TSPAN9: variants seen among roughly 807,000 people sequenced by gnomAD.
The protein encoded by TSPAN9 is tetraspanin 9, also known as tetraspanin-9.
In TSPAN9, 16 loss-of-function variants were observed where a neutral mutation model predicts 31.0. The ratio of observed to expected loss-of-function variants is 0.52; its 90% CI spans 0.35 to 0.78. The LOEUF (loss-of-function observed/expected upper bound fraction) is 0.78. Ranked by LOEUF, TSPAN9 falls within the 30% of genes least tolerant of loss-of-function variation. TSPAN9 has a pLI of 0.01. For missense variants in TSPAN9, 272 were observed against 312.5 expected, an observed-to-expected ratio of 0.87 and a Z score of 0.98; for synonymous variants, 145 against 121.6, an observed-to-expected ratio of 1.19 and a Z score of -1.27.
chr12:3,208,120 G>A (rs2098376290), intron 3 of TSPAN9, among the ~76,000 whole-genome samples: 1 of 152,218 alleles, frequency 6.6e-6, no homozygotes, highest in African/African-American at 2.4e-5. Flanking sequence ...GTGGTTGTTA[G>A]TATTACTGTC....
intron 2 of TSPAN9, among the ~76,000 whole-genome samples, chr12:3,191,820 A>G (rs60515876): frequency 0.06 from 9,192 of 152,228 alleles, 501 homozygotes; most frequent in East Asian, 0.16. Context: ...TGTCACCCTA[A>G]CAAACATGGA....
intron 2 of TSPAN9, among the ~76,000 whole-genome samples, chr12:3,169,259 T>TG (rs2153970125): frequency 6.6e-6 from 1 of 152,218 alleles, no homozygotes; most frequent in South Asian, 2.1e-4. Context: ...ACCTCAGGGC[T>TG]GGGGGAAGGT....
chr12:3,123,202 G>A (rs1221134255), intron 2 of TSPAN9, among the ~76,000 whole-genome samples: 1 of 152,170 alleles, frequency 6.6e-6, no homozygotes, highest in African/African-American at 2.4e-5. Context: ...GCTCGGGAGT[G>A]GCGTCTGCAT....
intron 3 of TSPAN9, among the ~76,000 whole-genome samples, chr12:3,278,024 C>G (rs649697): frequency 1.3e-5 from 2 of 152,064 alleles, no homozygotes; most frequent in East Asian, 3.9e-4. Flanking sequence ...CCCCAGTTCT[C>G]CCCTCTCACC....
intron 2 of TSPAN9, among the ~76,000 whole-genome samples, chr12:3,142,151 A>T (rs1317092180): frequency 6.6e-6 from 1 of 152,076 alleles, no homozygotes; most frequent in Non-Finnish European, 1.5e-5. Context: ...TGAGATTGTC[A>T]CCGCTCTGCC....
intron 2 of TSPAN9, among the ~76,000 whole-genome samples, chr12:3,105,803 T>TACACACTC (rs1565577387): frequency 1.0e-5 from 1 of 100,396 alleles, no homozygotes; most frequent in Non-Finnish European, 2.4e-5. Flanking sequence ...CACGCACACA[T>TACACACTC]GCGCACACAC....
intron 8 of TSPAN9, among the ~76,000 whole-genome samples, chr12:3,282,506 A>ACTTCAGC (rs1488147894): frequency 6.6e-6 from 1 of 152,148 alleles, no homozygotes; most frequent in African/African-American, 2.4e-5. Context: ...CCATCGTCCC[A>ACTTCAGC]CTTCAGCCTC....
chr12:3,235,490 G>A (rs765265663), intron 3 of TSPAN9, among the ~76,000 whole-genome samples: 28 of 151,596 alleles, frequency 1.8e-4, no homozygotes, highest in Non-Finnish European at 4.4e-5. Flanking sequence ...TATGCCCCAG[G>A]GTGGTTGAGA....
intron 2 of TSPAN9, among the ~76,000 whole-genome samples, chr12:3,132,398 G>A (rs1343713309): frequency 6.6e-6 from 1 of 152,038 alleles, no homozygotes; most frequent in Non-Finnish European, 1.5e-5. Flanking sequence ...CAACGCATGA[G>A]GGTTCCAATT....
chr12:3,137,435 C>G (rs372441650), intron 2 of TSPAN9, among the ~76,000 whole-genome samples: 2 of 152,348 alleles, frequency 1.3e-5, no homozygotes, highest in East Asian at 3.9e-4. Context: ...TGCCTGCCTC[C>G]CATGTGGCTT....
chr12:3,186,936 C>T (rs759901730), intron 2 of TSPAN9, among the ~76,000 whole-genome samples: 1 of 152,182 alleles, frequency 6.6e-6, no homozygotes, highest in Non-Finnish European at 1.5e-5. Flanking sequence ...CCTACTTGTA[C>T]TGGTTCTTGA....
chr12:3,268,662 G>A (rs1310164853), intron 3 of TSPAN9, among the ~76,000 whole-genome samples: 9 of 107,614 alleles, frequency 8.4e-5, no homozygotes, highest in South Asian at 3.6e-4. Flanking sequence ...CCCTCCGTGC[G>A]TTCCTGCAGC....
At chr12:3,194,789 G>C (rs1460826582) in intron 2 of TSPAN9, among the ~76,000 whole-genome samples, 1 of 152,162 alleles carries the variant, frequency 6.6e-6, no homozygotes, top group Non-Finnish European at 1.5e-5. Context: ...CACCATCGAT[G>C]TTACCGTCCT....
chr12:3,150,738 T>C (rs566820969), intron 2 of TSPAN9, among the ~76,000 whole-genome samples: 1 of 152,192 alleles, frequency 6.6e-6, no homozygotes, highest in Non-Finnish European at 1.5e-5. Context: ...TTCAGGGTGC[T>C]GAGTTCCAGG....
At chr12:3,178,442 T>C (rs993621498) in intron 2 of TSPAN9, among the ~76,000 whole-genome samples, 21 of 152,188 alleles carry the variant, frequency 1.4e-4, no homozygotes, top group African/African-American at 4.6e-4. Flanking sequence ...AGGCATGCAC[T>C]ACCACGCCTG....
rs1240332455 is a variant in TSPAN9, at chr12:3,168,848, C to T, written c.-17-32329C>T. Among the ~76,000 whole-genome samples the T allele has an allele frequency of 3.3e-5, 5 of 152,184 alleles. No homozygotes were observed. Among genetic ancestry groups the T allele is most frequent in the Non-Finnish European group, 7.3e-5 (5 of 68,046 alleles). ...ATCAGATGCGCTGCCTCGATGGCCC[C>T]GCCTCCCTCCCGGCCAGTGTGGGCG... On this transcript the variant is annotated intron_variant, in intron 2 of 8. Transcript: ENST00000011898. The surrounding 1 kb of genome is among the most constrained non-coding windows in gnomAD (Gnocchi z 4.0).
intron 2 of TSPAN9, among the ~76,000 whole-genome samples, chr12:3,129,601 T>C (rs967150191): frequency 1.3e-5 from 2 of 152,204 alleles, no homozygotes; most frequent in Non-Finnish European, 1.5e-5. Flanking sequence ...TGTCCACTTA[T>C]GAAATGGTGA....
intron 2 of TSPAN9, among the ~76,000 whole-genome samples, chr12:3,181,771 G>A (rs2098358715): frequency 6.6e-6 from 1 of 152,118 alleles, no homozygotes; most frequent in African/African-American, 2.4e-5. Flanking sequence ...GCCCTGCACT[G>A]CCTCTTACTT....
chr12:3,222,675 G>C (rs552722312), intron 3 of TSPAN9, among the ~76,000 whole-genome samples: 1 of 152,304 alleles, frequency 6.6e-6, no homozygotes, highest in Non-Finnish European at 1.5e-5. Context: ...TTCCTGCCAA[G>C]AGCATACCTG....
Sources: allele counts gnomAD v4.1 joint callset (sites outside exome capture counted in the v4.1 genomes callset), GRCh38; gene constraint gnomAD v4.1.1; non-coding constraint Gnocchi (gnomAD v3.1); transcripts MANE v1.5; gene names NCBI Gene and HGNC (gene_info 2026-07-23, HGNC 2026-07-21).